MALT1: variants seen among roughly 807,000 people sequenced by gnomAD.
The protein encoded by MALT1 is MALT1 paracaspase, also known as mucosa-associated lymphoid tissue lymphoma translocation protein 1.
Under a neutral mutation model 85.5 loss-of-function variants are expected in MALT1, and 36 were observed. The ratio of observed to expected loss-of-function variants is 0.42; its 90% CI spans 0.32 to 0.56. The LOEUF is 0.56. Among genes scored for constraint, MALT1 ranks in the 20% least tolerant of loss-of-function variants. The probability of loss-of-function intolerance (pLI) is 0.10; values close to 1 mark genes in which losing one functional copy is unlikely to be tolerated. For missense variants in MALT1, 716 were observed against 981.6 expected (o/e 0.73, Z 3.62); for synonymous variants, 359 against 361.3 (o/e 0.99, Z 0.07).
intron 10 of MALT1, among the ~76,000 whole-genome samples, chr18:58,723,906 C>T (rs1404511026): frequency 6.6e-6 from 1 of 152,160 alleles, no homozygotes; most frequent in Non-Finnish European, 1.5e-5. Context: ...AATGTGCTGT[C>T]ACTAGCTAAT....
intron 4 of MALT1, among the ~76,000 whole-genome samples, chr18:58,708,350 A>G (rs945000365): frequency 5.9e-5 from 9 of 152,206 alleles, no homozygotes; most frequent in African/African-American, 1.9e-4. Context: ...GTGACCAGCC[A>G]TCTGGTTTTC....
chr18:58,746,937 A>C (rs1215423112), intron 16 of MALT1, among the ~76,000 whole-genome samples: 1 of 152,180 alleles, frequency 6.6e-6, no homozygotes, highest in Non-Finnish European at 1.5e-5. Context: ...CACGTTGGCC[A>C]GACTGGTCTT....
chr18:58,745,827 A>G lies in MALT1; in HGVS notation c.2037+36A>G, dbSNP rs371701999. 6.1e-5 allele frequency: 96 copies of G among 1,583,642 alleles called. No individual in the cohort carries two copies. The African/African-American group carries it at 1.2e-3, about 20-fold the overall frequency. On this transcript the variant is annotated intron_variant, in intron 16 of 16. Coordinates refer to ENST00000649217, the MANE Select transcript of MALT1 (RefSeq NM_006785.4). ...TTTCTGTTTATAGCTACTAATGGAAAACTTTATGAAACTGGAAACTTATTT... is the reference window on the plus strand; with the variant it reads ...TTTCTGTTTATAGCTACTAATGGAAGACTTTATGAAACTGGAAACTTATTT...
At chr18:58,703,272 G>A (rs187709774) in intron 4 of MALT1, among the ~76,000 whole-genome samples, 4 of 152,136 alleles carry the variant, frequency 2.6e-5, no homozygotes, top group South Asian at 2.1e-4. Flanking sequence ...CAGTAGAATC[G>A]CTTGAACCCA....
intron 3 of MALT1, among the ~76,000 whole-genome samples, chr18:58,698,811 A>AG (rs2054631200): frequency 6.6e-6 from 1 of 152,184 alleles, no homozygotes; most frequent in Non-Finnish European, 1.5e-5. Flanking sequence ...GGAAAGACAA[A>AG]GGGGAGAAGA....
chr18:58,705,993 C>T (rs552496114), intron 4 of MALT1, among the ~76,000 whole-genome samples: 2 of 152,134 alleles, frequency 1.3e-5, no homozygotes, highest in Non-Finnish European at 1.5e-5. Context: ...CCTGTTGTTT[C>T]CTGACTTTTT....
At chr18:58,721,177 C>T (rs2054976887) in intron 9 of MALT1, among the ~76,000 whole-genome samples, 1 of 152,106 alleles carries the variant, frequency 6.6e-6, no homozygotes, top group Non-Finnish European at 1.5e-5. Flanking sequence ...GTCAGGAGTT[C>T]GAGACCACCC....
At chr18:58,710,506 G>A (rs1305290172) in intron 6 of MALT1, among the ~76,000 whole-genome samples, 1 of 152,124 alleles carries the variant, frequency 6.6e-6, no homozygotes, top group Non-Finnish European at 1.5e-5. Flanking sequence ...GCAACATAGT[G>A]AGATTCCATC....
chr18:58,710,033 C>A lies in MALT1; in HGVS notation c.886C>A (p.Arg296=). Residue 296 remains arginine, a synonymous_variant, in exon 6 of 17, where the codon CGA becomes AGA. Transcript: ENST00000649217. The part of the protein sequence containing the change: ...GTYWCHVYND[R]DSQDSKKVEI... Reference sequence around the variant, plus strand: ...CTACTGGTGTCATGTATATAATGATCGAGACAGTCAAGATAGCAAGAAGGT... The same window carrying A: ...CTACTGGTGTCATGTATATAATGATAGAGACAGTCAAGATAGCAAGAAGGT... The A allele has an allele frequency of 6.2e-7, 1 of 1,611,874 alleles. No individual in the cohort carries two copies.
chr18:58,695,803 C>T (rs1336111500), intron 2 of MALT1, among the ~76,000 whole-genome samples: 1 of 152,220 alleles, frequency 6.6e-6, no homozygotes, highest in Non-Finnish European at 1.5e-5. Context: ...AGGGTAGAGC[C>T]TCCCGCTAGG....
chr18:58,678,806 T>C (rs765468838), intron 1 of MALT1, among the ~76,000 whole-genome samples: 3 of 152,220 alleles, frequency 2.0e-5, no homozygotes, highest in Non-Finnish European at 4.4e-5. Context: ...AACAGTTGTC[T>C]ATAAAATAAG....
chr18:58,738,921 T>G (rs2055263068), intron 13 of MALT1, among the ~76,000 whole-genome samples: 1 of 152,212 alleles, frequency 6.6e-6, no homozygotes, highest in African/African-American at 2.4e-5. Context: ...GTCTTGTTTC[T>G]GACTTTAAAG....
chr18:58,748,749 C>G lies in MALT1; in HGVS notation c.*907C>G, dbSNP rs553702605. 5.1e-6 allele frequency: 1 copy of G among 195,932 alleles called. No individual in the cohort carries two copies. Among genetic ancestry groups the G allele is most frequent in the African/African-American group, 2.3e-5 (1 of 43,406 alleles). The allele number at this position is 195,932 out of a possible 1,614,324, so 12.1% of individuals were successfully genotyped here. On this transcript the variant is annotated 3_prime_UTR_variant, in exon 17 of 17. Transcript: ENST00000649217. ...TCTACCTAAAAGTTGGTTAAAAATGCAATTGGCATTAACAAGGAAAAATAC... is the reference window on the plus strand; with the variant it reads ...TCTACCTAAAAGTTGGTTAAAAATGGAATTGGCATTAACAAGGAAAAATAC...
At position 58,671,682 on chromosome 18, in the gene MALT1, C is replaced by T; in HGVS notation, c.39C>T (p.Pro13=). The T allele has an allele frequency of 8.0e-7, 1 of 1,247,852 alleles. No individual in the cohort carries two copies. Among genetic ancestry groups the T allele is most frequent in the Non-Finnish European group, 1.0e-6 (1 of 997,892 alleles). The allele number at this position is 1,247,852 out of a possible 1,614,324, so 77.3% of individuals were successfully genotyped here. ...GGGACCCGCTACAGGCCCTGCCGCC[C>T]TCGGCCGCCCCCACGGGGCCGCTGC... is the stretch of plus-strand genomic sequence containing the variant. The part of the protein sequence containing the change: ...LLGDPLQALP[P]SAAPTGPLLA... The change falls in exon 1 of 17, where the codon CCC becomes CCT. Residue 13 remains proline, a synonymous_variant. Coordinates refer to ENST00000649217, the MANE Select transcript of MALT1 (RefSeq NM_006785.4).
intron 3 of MALT1, among the ~76,000 whole-genome samples, chr18:58,698,841 T>C (rs2054631727): frequency 6.6e-6 from 1 of 152,046 alleles, no homozygotes. Context: ...GATAGCAAAG[T>C]TTGTGGTAAT....
chr18:58,687,320 G>C (rs1000748559), intron 2 of MALT1, among the ~76,000 whole-genome samples: 7 of 152,178 alleles, frequency 4.6e-5, no homozygotes, highest in African/African-American at 1.7e-4. Flanking sequence ...GAGTGTGGAG[G>C]GGAGTCTCAG....
At chr18:58,714,927 T>G (rs192603631) in intron 8 of MALT1, among the ~76,000 whole-genome samples, 1 of 152,250 alleles carries the variant, frequency 6.6e-6, no homozygotes, top group African/African-American at 2.4e-5. Flanking sequence ...CTAGTTTGCT[T>G]AGTGTCATAC....
intron 2 of MALT1, among the ~76,000 whole-genome samples, chr18:58,684,122 G>A (rs1011573737): frequency 5.3e-5 from 8 of 152,028 alleles, no homozygotes; most frequent in African/African-American, 9.7e-5. Context: ...TGGTAGATAC[G>A]GGGTTTTGCC....
At chr18:58,743,363 CA>C (rs2055327479) in intron 14 of MALT1, among the ~76,000 whole-genome samples, 2 of 152,010 alleles carry the variant, frequency 1.3e-5, no homozygotes, top group Admixed American at 6.6e-5. Context: ...GCAACAAGAG[CA>C]AAACTCAGTC....
Sources: allele counts gnomAD v4.1 joint callset (sites outside exome capture counted in the v4.1 genomes callset), GRCh38; gene constraint gnomAD v4.1.1; transcripts MANE v1.5; gene names NCBI Gene and HGNC (gene_info 2026-07-23, HGNC 2026-07-21).